Variants in CFAP47 observed in about 807,000 individuals in gnomAD.
CFAP47 encodes cilia and flagella associated protein 47.
CFAP47 carries 29 observed loss-of-function variants against 148.1 expected under a neutral mutation model. The ratio of observed to expected loss-of-function variants is 0.20; its 90% CI spans 0.15 to 0.27. The LOEUF (loss-of-function observed/expected upper bound fraction) is 0.27. CFAP47 is among the 10% of genes least tolerant of loss of function. The probability of loss-of-function intolerance (pLI) is 1.00; values close to 1 mark genes in which losing one functional copy is unlikely to be tolerated. For missense variants in CFAP47, 1,872 were observed against 1,697.5 expected (o/e 1.10, Z -1.81); for synonymous variants, 664 against 577.3 (o/e 1.15, Z -2.15).
chrX:36,316,550 T>C (rs2146965877), intron 56 of CFAP47, among the ~76,000 whole-genome samples: 1 of 112,321 alleles, frequency 8.9e-6, no homozygotes, highest in South Asian at 3.7e-4. Flanking sequence ...AGCCTGATTA[T>C]GTCACTACAT....
chrX:36,108,310 TC>T (rs911257329), intron 33 of CFAP47, among the ~76,000 whole-genome samples: 3 of 111,212 alleles, frequency 2.7e-5, no homozygotes, highest in African/African-American at 9.8e-5. Context: ...GCCTCCCAGA[TC>T]CAAATCTACC....
At chrX:36,205,986 G>C (rs782446368) in intron 45 of CFAP47, among the ~76,000 whole-genome samples, 17 of 111,634 alleles carry the variant, frequency 1.5e-4, no homozygotes, top group African/African-American at 5.5e-4. Flanking sequence ...AAGATAGTCT[G>C]TTTACTTTCC....
At chrX:36,064,171 A>G (rs1362560894) in intron 26 of CFAP47, among the ~76,000 whole-genome samples, 3 of 112,615 alleles carry the variant, frequency 2.7e-5, no homozygotes, top group African/African-American at 6.4e-5. Context: ...ATAATTGGCT[A>G]ATGAAATTTT....
chrX:35,954,109 T>C (rs1936209047), intron 7 of CFAP47, among the ~76,000 whole-genome samples: 1 of 111,380 alleles, frequency 9.0e-6, no homozygotes, highest in Admixed American at 9.6e-5. Context: ...AATCTACAAA[T>C]AGGAACAGTA....
intron 26 of CFAP47, among the ~76,000 whole-genome samples, chrX:36,061,539 G>A (rs1026260632): frequency 3.6e-5 from 4 of 111,951 alleles, no homozygotes; most frequent in Non-Finnish European, 5.6e-5. Flanking sequence ...TGACTTAATT[G>A]ACATGAAGTA....
intron 40 of CFAP47, among the ~76,000 whole-genome samples, chrX:36,180,151 G>A (rs1360878559): frequency 1.8e-5 from 2 of 111,184 alleles, no homozygotes; most frequent in African/African-American, 6.6e-5. Flanking sequence ...TGGAATTCAT[G>A]GATAATGAGG....
At chrX:36,031,229 A>G (rs1314683035) in intron 22 of CFAP47, 24 bp from the exon 23 acceptor site, 1 of 288,305 alleles carries the variant, frequency 3.5e-6, no homozygotes, top group African/African-American at 2.8e-5. Context: ...ACATTTTATC[A>G]GTATATTTAT....
At chrX:35,981,248 G>A (rs1936640398) in intron 15 of CFAP47, among the ~76,000 whole-genome samples, 1 of 108,356 alleles carries the variant, frequency 9.2e-6, no homozygotes, top group African/African-American at 3.3e-5. Flanking sequence ...AAAAATACAT[G>A]AGCCAAACAT....
intron 11 of CFAP47, 37 bp from the exon 12 acceptor site, chrX:35,971,549 C>G: frequency 1.1e-6 from 1 of 917,565 alleles, no homozygotes; most frequent in South Asian, 2.9e-5. Flanking sequence ...AATGACTTGA[C>G]CTCAATTACT....
At chrX:36,356,708 G>A (rs1380139902) in intron 60 of CFAP47, among the ~76,000 whole-genome samples, 1 of 111,490 alleles carries the variant, frequency 9.0e-6, no homozygotes, top group African/African-American at 3.3e-5. Flanking sequence ...AGCACATTAA[G>A]AATAGGAGTC....
intron 50 of CFAP47, among the ~76,000 whole-genome samples, chrX:36,283,732 C>T (rs782202560): frequency 4.5e-5 from 5 of 111,983 alleles, no homozygotes; most frequent in East Asian, 2.8e-4. Flanking sequence ...CTGTCTTTCT[C>T]GCTCTTCTTT....
chrX:36,194,844 C>T (rs1157386383), intron 42 of CFAP47, among the ~76,000 whole-genome samples: 1 of 111,866 alleles, frequency 8.9e-6, no homozygotes, highest in Non-Finnish European at 1.9e-5. Context: ...AAATACAATT[C>T]AAGATGATAT....
chrX:36,067,823 C>G (rs1010208514), intron 27 of CFAP47, among the ~76,000 whole-genome samples: 1 of 109,373 alleles, frequency 9.1e-6, no homozygotes, highest in Non-Finnish European at 1.9e-5. Context: ...CCACCATGGC[C>G]GGCTAATCTT....
At chrX:35,975,590 A>T (rs998580642) in intron 14 of CFAP47, 82 bp from the exon 15 acceptor site, 48 of 980,695 alleles carry the variant, frequency 4.9e-5, no homozygotes, top group African/African-American at 4.2e-4. Context: ...AATCAATGCT[A>T]TGTGCATTTT....
At chrX:36,373,550 A>G (rs1041750932) in intron 62 of CFAP47, among the ~76,000 whole-genome samples, 1 of 110,522 alleles carries the variant, frequency 9.0e-6, no homozygotes. Flanking sequence ...TTCCTTTCTG[A>G]TTTGGGTGCC....
At chrX:35,948,972 A>C (rs1936125452) in intron 4 of CFAP47, among the ~76,000 whole-genome samples, 1 of 111,171 alleles carries the variant, frequency 9.0e-6, no homozygotes, top group Non-Finnish European at 1.9e-5. Context: ...GGGGAGTGAC[A>C]GGAGACAAGA....
chrX:35,974,670 C>T lies in CFAP47; in HGVS notation c.2255-477C>T, dbSNP rs183049136. Among the ~76,000 whole-genome samples, 48 of 111,666 alleles carry T rather than the reference C, an allele frequency of 4.3e-4. 1 individual carries two copies. The East Asian group carries it at 0.012, about 28-fold the overall frequency. On this transcript the variant is annotated intron_variant, in intron 13 of 63. Coordinates refer to ENST00000378653, the MANE Select transcript of CFAP47 (RefSeq NM_001304548.2). Reference sequence around the variant, plus strand: ...TTTACTTACTATATGCCAGTTTTAACTAATTAAGCTGTTAAAGGCAGGGCA... The same window carrying T: ...TTTACTTACTATATGCCAGTTTTAATTAATTAAGCTGTTAAAGGCAGGGCA...
chrX:36,032,268 C>T, intron 23 of CFAP47, among the ~76,000 whole-genome samples: 1 of 109,891 alleles, frequency 9.1e-6, no homozygotes, highest in East Asian at 2.8e-4. Flanking sequence ...CAATAGCATT[C>T]TCTCTTTTGA....
chrX:36,126,272 G>A (rs1307797250), intron 33 of CFAP47, among the ~76,000 whole-genome samples: 1 of 109,488 alleles, frequency 9.1e-6, no homozygotes, highest in Non-Finnish European at 1.9e-5. Flanking sequence ...ACAGGCCCCG[G>A]TGTGTGATGT....
Sources: allele counts gnomAD v4.1 joint callset (sites outside exome capture counted in the v4.1 genomes callset), GRCh38; gene constraint gnomAD v4.1.1; transcripts MANE v1.5; gene names NCBI Gene and HGNC (gene_info 2026-07-23, HGNC 2026-07-21).